CTNNA3: variants seen among roughly 807,000 people sequenced by gnomAD.
CTNNA3 encodes the protein catenin alpha-3.
A neutral mutation model predicts 95.7 loss-of-function variants in CTNNA3; 76 were observed. The ratio of observed to expected loss-of-function variants is 0.79; its 90% confidence interval spans 0.66 to 0.96. CTNNA3 has a LOEUF of 0.96. Among genes scored for constraint, CTNNA3 ranks in the 40% least tolerant of loss-of-function variants. The probability of loss-of-function intolerance (pLI) is 0.00; values close to 1 mark genes in which losing one functional copy is unlikely to be tolerated. For synonymous variants in CTNNA3, 431 were observed against 374.4 expected (o/e 1.15, Z -1.74); for missense variants, 1,191 against 1,089.8 (o/e 1.09, Z -1.31).
intron 11 of CTNNA3, among the ~76,000 whole-genome samples, chr10:66,454,009 T>C (rs2093480382): frequency 6.6e-6 from 1 of 152,098 alleles, no homozygotes; most frequent in Admixed American, 6.5e-5. Flanking sequence ...GGATCCATAG[T>C]CATCACAGGT....
At chr10:67,043,385 C>T (rs1042567625) in intron 7 of CTNNA3, among the ~76,000 whole-genome samples, 6 of 152,048 alleles carry the variant, frequency 3.9e-5, no homozygotes, top group Non-Finnish European at 7.4e-5. Context: ...CTCAATTAGC[C>T]AAAACATGCT....
chr10:66,420,204 T>C (rs906878239), intron 11 of CTNNA3, among the ~76,000 whole-genome samples: 1 of 152,048 alleles, frequency 6.6e-6, no homozygotes, highest in Non-Finnish European at 1.5e-5. Flanking sequence ...TCCCATTAAG[T>C]AAGAAGTAGG....
chr10:67,066,011 A>G (rs1485117843), intron 7 of CTNNA3, among the ~76,000 whole-genome samples: 2 of 152,102 alleles, frequency 1.3e-5, no homozygotes, highest in African/African-American at 2.4e-5. Flanking sequence ...ATATTATTAG[A>G]AATAATAATT....
rs534824684 is a variant in CTNNA3, at chr10:66,740,270, G to T, written c.1281+25994C>A. ...GTACTTTAATAATGAAAGAAATTAGGCTGGGGCTATTGTAAGAACAGTTTC... is the reference window on the plus strand; with the variant it reads ...GTACTTTAATAATGAAAGAAATTAGTCTGGGGCTATTGTAAGAACAGTTTC... On this transcript the variant is annotated intron_variant, in intron 9 of 17. Transcript: ENST00000433211. 1.7e-4 allele frequency among the ~76,000 whole-genome samples: 26 copies of T among 152,260 alleles called. No individual in the cohort carries two copies. The South Asian group carries it at 5.2e-3, about 30-fold the overall frequency.
At chr10:66,746,452 G>A (rs1838877642) in intron 9 of CTNNA3, among the ~76,000 whole-genome samples, 1 of 152,160 alleles carries the variant, frequency 6.6e-6, no homozygotes, top group African/African-American at 2.4e-5. Context: ...GATAAAGCCT[G>A]TAACATAGTC....
At chr10:66,348,836 G>A in intron 12 of CTNNA3, among the ~76,000 whole-genome samples, 1 of 152,152 alleles carries the variant, frequency 6.6e-6, no homozygotes, top group East Asian at 1.9e-4. Context: ...ATTAGACCAT[G>A]TATTGGCTGC....
intron 7 of CTNNA3, among the ~76,000 whole-genome samples, chr10:67,070,669 C>A (rs1856395018): frequency 3.3e-5 from 5 of 151,978 alleles, no homozygotes. Flanking sequence ...ATCGCTTGAA[C>A]CCGGGAGGCG....
At chr10:66,481,625 C>T (rs1207791096) in intron 11 of CTNNA3, among the ~76,000 whole-genome samples, 1 of 147,302 alleles carries the variant, frequency 6.8e-6, no homozygotes, top group African/African-American at 2.6e-5. Flanking sequence ...GCGCCTGCCA[C>T]CACGCCCGGC....
rs144443253 is a variant in CTNNA3, at chr10:66,002,929, G to T, written c.2160-14132C>A. Among the ~76,000 whole-genome samples the T allele has an allele frequency of 3.2e-4, 48 of 152,272 alleles. No individual in the cohort carries two copies. In the East Asian group the frequency reaches 8.1e-3, roughly 26 times the overall value. ...ATTGCCTTTGCACATGATCCCAGGG[G>T]TGCTAAAATCCTATATTTTATTTTA... is the stretch of plus-strand genomic sequence containing the variant. On this transcript the variant is annotated intron_variant, in intron 15 of 17. Transcript: ENST00000433211.
intron 6 of CTNNA3, among the ~76,000 whole-genome samples, chr10:67,204,022 C>A (rs879822853): frequency 6.6e-6 from 1 of 152,038 alleles, no homozygotes; most frequent in Non-Finnish European, 1.5e-5. Context: ...GTGATATTAG[C>A]CCTCTCTTTA....
intron 7 of CTNNA3, among the ~76,000 whole-genome samples, chr10:67,116,721 A>AATATATAT (rs34041126): frequency 2.8e-5 from 4 of 143,530 alleles, no homozygotes; most frequent in African/African-American, 1.0e-4. Context: ...CAGTTTTGAA[A>AATATATAT]ATATATATAT....
At chr10:66,811,979 T>A (rs1300970561) in intron 7 of CTNNA3, among the ~76,000 whole-genome samples, 1 of 152,180 alleles carries the variant, frequency 6.6e-6, no homozygotes, top group South Asian at 2.1e-4. Context: ...CTATTCACAT[T>A]TGAGCTCCTG....
intron 12 of CTNNA3, among the ~76,000 whole-genome samples, chr10:66,333,334 T>C (rs2092354389): frequency 6.6e-6 from 1 of 152,142 alleles, no homozygotes; most frequent in African/African-American, 2.4e-5. Flanking sequence ...GTGTCAATTT[T>C]AGATCTTTCC....
At chr10:66,661,637 C>CCAAAA (rs1846268190) in intron 9 of CTNNA3, among the ~76,000 whole-genome samples, 2 of 151,904 alleles carry the variant, frequency 1.3e-5, no homozygotes, top group Non-Finnish European at 1.5e-5. Flanking sequence ...TTTAAGTGCA[C>CCAAAA]CAAAACAAAA....
intron 11 of CTNNA3, among the ~76,000 whole-genome samples, chr10:66,463,392 A>G (rs2093542612): frequency 6.6e-6 from 1 of 152,182 alleles, no homozygotes; most frequent in African/African-American, 2.4e-5. Flanking sequence ...GGCCCTCACC[A>G]AATGCAGATA....
intron 1 of CTNNA3, 150 bp downstream of exon 1, chr10:67,695,850 A>G (rs116997375): frequency 3.9e-4 from 59 of 152,342 alleles, no homozygotes; most frequent in Non-Finnish European, 7.8e-4. Context: ...TAGTCAAAAC[A>G]TTCCTATTTC....
intron 11 of CTNNA3, among the ~76,000 whole-genome samples, chr10:66,464,960 G>A (rs1838847485): frequency 6.6e-6 from 1 of 152,014 alleles, no homozygotes; most frequent in Non-Finnish European, 1.5e-5. Context: ...TTGTAAAGTG[G>A]TAATGCTGAT....
At chr10:66,037,004 C>G (rs2133477746) in intron 15 of CTNNA3, among the ~76,000 whole-genome samples, 1 of 151,372 alleles carries the variant, frequency 6.6e-6, no homozygotes, top group East Asian at 2.0e-4. Context: ...TCCCGAGTAG[C>G]TGGGACTACA....
chr10:67,512,030 T>A (rs1248778424), intron 5 of CTNNA3, among the ~76,000 whole-genome samples: 1 of 152,212 alleles, frequency 6.6e-6, no homozygotes, highest in Non-Finnish European at 1.5e-5. Flanking sequence ...TTCTGTGGGA[T>A]CAGTGGTGAT....
Sources: gnomAD v4.1 joint callset for allele counts (sites outside exome capture counted in the v4.1 genomes callset) on GRCh38, gnomAD v4.1.1 for gene constraint, MANE v1.5 for transcripts, NCBI Gene and HGNC (gene_info 2026-07-23, HGNC 2026-07-21) for gene names.